The following SHTN1 variants were observed in gnomAD, a reference collection of about 807,000 sequenced individuals.
SHTN1 encodes the protein shootin 1, also known as shootin-1.
Under a neutral mutation model 83.1 loss-of-function variants are expected in SHTN1, and 42 were observed. The ratio of observed to expected loss-of-function variants is 0.51; its 90% CI spans 0.39 to 0.65. SHTN1 has a LOEUF of 0.65. Among genes scored for constraint, SHTN1 ranks in the 30% least tolerant of loss-of-function variants. The pLI is 0.00. For synonymous variants in SHTN1, 224 were observed against 247.7 expected (o/e 0.90, Z 0.90); for missense variants, 622 against 737.8 (o/e 0.84, Z 1.82).
intron 2 of SHTN1, among the ~76,000 whole-genome samples, chr10:117,028,116 A>G (rs1852356908): frequency 6.6e-6 from 1 of 152,192 alleles, no homozygotes; most frequent in African/African-American, 2.4e-5. Context: ...GTTAGGCCTT[A>G]GCAAAGAACT....
Position 116,940,574 on chromosome 10 carries a change from G to A in SHTN1, c.750C>T (p.His250=), listed in dbSNP as rs769398245. The A allele has an allele frequency of 1.3e-5, 21 of 1,612,104 alleles. No homozygotes were observed. The South Asian group carries it at 2.2e-4, about 17-fold the overall frequency. The part of the protein sequence containing the change: ...IEQNKLKRQS[H]LLLQSSIPDQ... ...CAGGGATGGAGCTCTGCAGCAGAAG[G>A]TGGCTTTGTCTCTTTAGCTTGTTTT... is the stretch of plus-strand genomic sequence containing the variant. The change falls in exon 9 of 17, where the codon CAC becomes CAT. Residue 250 remains histidine (H), a synonymous_variant. Coordinates refer to ENST00000355371, the MANE Select transcript of SHTN1 (RefSeq NM_001127211.3).
At chr10:116,909,016 C>T (rs1199290325) in intron 14 of SHTN1, among the ~76,000 whole-genome samples, 1 of 152,096 alleles carries the variant, frequency 6.6e-6, no homozygotes, top group Non-Finnish European at 1.5e-5. Context: ...AATAAAATAC[C>T]AAGACTATTT....
At chr10:116,944,615 A>T (rs750329106) in intron 8 of SHTN1, among the ~76,000 whole-genome samples, 9 of 152,182 alleles carry the variant, frequency 5.9e-5, no homozygotes, top group Non-Finnish European at 1.3e-4. Context: ...AAAGGTTTTT[A>T]CGGCTGGGCA....
intron 2 of SHTN1, among the ~76,000 whole-genome samples, chr10:116,973,462 A>G (rs1850688923): frequency 6.6e-6 from 1 of 152,190 alleles, no homozygotes; most frequent in Non-Finnish European, 1.5e-5. Context: ...AGTATCTACT[A>G]TAATCATTGA....
At chr10:117,037,998 C>CAAAAAAAAAAAAAAAAAA (rs71013632) in intron 2 of SHTN1, among the ~76,000 whole-genome samples, 1 of 75,496 alleles carries the variant, frequency 1.3e-5, no homozygotes. Context: ...AGCGAGACTT[C>CAAAAAAAAAAAAAAAAAA]AAAAAAAAAA....
At chr10:117,023,837 T>A (rs1175322549) in intron 2 of SHTN1, 1 of 152,678 alleles carries the variant, frequency 6.5e-6, no homozygotes, top group Non-Finnish European at 1.5e-5. Flanking sequence ...TGACACCTTG[T>A]GTAGTTATAT....
chr10:117,022,402 CTTAT>C (rs543262038), intron 2 of SHTN1, among the ~76,000 whole-genome samples: 40 of 152,180 alleles, frequency 2.6e-4, no homozygotes, highest in African/African-American at 7.9e-4. Flanking sequence ...TTTTTGAAAC[CTTAT>C]TTATTAGTTG....
At chr10:117,074,289 C>T (rs769465996) in intron 1 of SHTN1, among the ~76,000 whole-genome samples, 6 of 152,120 alleles carry the variant, frequency 3.9e-5, no homozygotes, top group Non-Finnish European at 5.9e-5. Context: ...AACTCTGTGA[C>T]AGGGTGCACT....
chr10:117,105,044 C>G (rs1853652498), intron 1 of SHTN1, among the ~76,000 whole-genome samples: 1 of 152,138 alleles, frequency 6.6e-6, no homozygotes, highest in East Asian at 1.9e-4. Context: ...GAAACCAACA[C>G]TCCACAACCT....
At chr10:117,082,718 T>G (rs1050267854) in intron 1 of SHTN1, among the ~76,000 whole-genome samples, 1 of 151,124 alleles carries the variant, frequency 6.6e-6, no homozygotes, top group African/African-American at 2.4e-5. Context: ...ATCTGGGTGC[T>G]CCTGTATTGG....
In SHTN1 at chr10:116,901,753, A is replaced by G. The variant is rs531874926; in HGVS notation, c.1673+12T>C. 1 of 1,578,246 alleles carries G rather than the reference A, an allele frequency of 6.3e-7. No homozygotes were observed. Among genetic ancestry groups the G allele is most frequent in the Admixed American group, 2.0e-5 (1 of 50,830 alleles). ...TTCTATACACCACTTAGTAAAGAGC[A>G]TCGTTACTTACTGAAACGTAACCTT... On this transcript the variant is annotated intron_variant, in intron 16 of 16. Transcript: ENST00000355371.
At chr10:116,940,011 T>C (rs1849310575) in intron 9 of SHTN1, among the ~76,000 whole-genome samples, 1 of 152,190 alleles carries the variant, frequency 6.6e-6, no homozygotes, top group African/African-American at 2.4e-5. Context: ...GTTTACAAAA[T>C]CAAAAATTTT....
intron 1 of SHTN1, among the ~76,000 whole-genome samples, chr10:117,000,210 T>TCTTGG (rs1198084880): frequency 6.6e-6 from 1 of 152,224 alleles, no homozygotes; most frequent in African/African-American, 2.4e-5. Context: ...TGATCTCATA[T>TCTTGG]GCACCCAAGA....
intron 1 of SHTN1, among the ~76,000 whole-genome samples, chr10:117,054,886 G>C (rs750035791): frequency 2.0e-5 from 3 of 152,064 alleles, no homozygotes; most frequent in Non-Finnish European, 4.4e-5. Flanking sequence ...ATTGATTTAT[G>C]TCTTTGTCTA....
At chr10:116,966,007 G>GT (rs1173313272) in intron 3 of SHTN1, among the ~76,000 whole-genome samples, 5 of 151,016 alleles carry the variant, frequency 3.3e-5, no homozygotes, top group East Asian at 3.9e-4. Flanking sequence ...TATTTTTTTT[G>GT]TTTTTTTGGG....
chr10:117,060,196 C>T (rs1166924519), intron 1 of SHTN1, among the ~76,000 whole-genome samples: 1 of 151,610 alleles, frequency 6.6e-6, no homozygotes, highest in Non-Finnish European at 1.5e-5. Context: ...GCACTCTAGC[C>T]TAAGCAACAG....
intron 4 of SHTN1, among the ~76,000 whole-genome samples, chr10:116,954,968 AC>A (rs780720528): frequency 6.6e-6 from 1 of 152,002 alleles, no homozygotes; most frequent in Non-Finnish European, 1.5e-5. Context: ...CCATTCCTAA[AC>A]TGCTCCTGTC....
At chr10:117,010,191 GA>G (rs34469385), upstream of SHTN1, among the ~76,000 whole-genome samples, 136,499 of 151,688 alleles carry the variant, frequency 0.9, 63,050 homozygotes, top group Non-Finnish European at 1. Context: ...AATTAACGAA[GA>G]AAAAAAAGAA....
chr10:116,977,798 G>A (rs370897926), intron 2 of SHTN1, among the ~76,000 whole-genome samples: 4 of 151,872 alleles, frequency 2.6e-5, no homozygotes, highest in Admixed American at 1.3e-4. Context: ...CCTCAACCTC[G>A]CAAGTAGCTG....
Sources: gnomAD v4.1 joint callset for allele counts (sites outside exome capture counted in the v4.1 genomes callset) on GRCh38, gnomAD v4.1.1 for gene constraint, MANE v1.5 for transcripts, NCBI Gene and HGNC (gene_info 2026-07-23, HGNC 2026-07-21) for gene names.